PCBP3: variants seen among roughly 807,000 people sequenced by gnomAD.
PCBP3 encodes poly(rC)-binding protein 3.
Under a neutral mutation model 52.7 loss-of-function variants are expected in PCBP3, and 25 were observed. The observed-to-expected ratio is 0.47, with a 90% CI of 0.35 to 0.66. The LOEUF (loss-of-function observed/expected upper bound fraction) is 0.66, where lower values mean the gene tolerates loss of function less well. Ranked by LOEUF, PCBP3 falls within the 30% of genes least tolerant of loss-of-function variation. The pLI, the probability that PCBP3 is intolerant of heterozygous loss-of-function variation, is 0.01. For missense variants in PCBP3, 391 were observed against 490.3 expected, an observed-to-expected ratio of 0.80 and a Z score of 1.91; for synonymous variants, 162 against 183.0, an observed-to-expected ratio of 0.89 and a Z score of 0.93.
chr21:45,929,251 C>A (rs1263977060), intron 13 of PCBP3, among the ~76,000 whole-genome samples: 4 of 152,184 alleles, frequency 2.6e-5, no homozygotes, highest in African/African-American at 9.7e-5. Context: ...CAGCTGAGGG[C>A]CCGAGGCGTC....
At chr21:45,709,270 G>A (rs1239435838) in intron 2 of PCBP3, among the ~76,000 whole-genome samples, 1 of 152,164 alleles carries the variant, frequency 6.6e-6, no homozygotes, top group Non-Finnish European at 1.5e-5. Context: ...ATATTTTGGG[G>A]CAAGGCTGAC....
At chr21:45,907,580 G>A (rs1163735768) in intron 9 of PCBP3, among the ~76,000 whole-genome samples, 3 of 152,158 alleles carry the variant, frequency 2.0e-5, no homozygotes, top group South Asian at 2.1e-4. Context: ...TTTGACCCTC[G>A]GGTTCATTTG....
chr21:45,670,917 C>T (rs2081130196), intron 2 of PCBP3, among the ~76,000 whole-genome samples: 1 of 152,214 alleles, frequency 6.6e-6, no homozygotes, highest in African/African-American at 2.4e-5. Flanking sequence ...GTCATGCCAT[C>T]TGCTACGGAG....
intron 5 of PCBP3, among the ~76,000 whole-genome samples, chr21:45,888,381 T>C (rs2148885605): frequency 6.6e-6 from 1 of 152,372 alleles, no homozygotes; most frequent in African/African-American, 2.4e-5. Flanking sequence ...GATTTCAGTC[T>C]GCTCCTTGCA....
rs1015999270 is a variant in PCBP3 at position 45,880,642 on chromosome 21, C to T, written c.11-15566C>T. ...TGGGAACTGGGGATTCAGTGGTGAA[C>T]GGAGGAGACACGTGTGCCCTCTGCC... On this transcript the variant is annotated intron_variant, in intron 5 of 17. Transcript: ENST00000681687. This position sits in a 1 kb window ranked among gnomAD's most constrained non-coding sequence, Gnocchi z 5.4. Among the ~76,000 whole-genome samples the T allele has an allele frequency of 2.0e-5, 3 of 151,870 alleles. No homozygotes were observed. The highest frequency in any genetic ancestry group is 4.4e-5 in the Non-Finnish European group (3 of 67,986).
chr21:45,739,852 ACT>A (rs1294058399), intron 3 of PCBP3, among the ~76,000 whole-genome samples: 2 of 151,934 alleles, frequency 1.3e-5, no homozygotes, highest in African/African-American at 2.4e-5. Flanking sequence ...TGTCACACAC[ACT>A]CTCTTCGCTT....
At chr21:45,782,424 A>G (rs2090709840) in intron 4 of PCBP3, among the ~76,000 whole-genome samples, 1 of 152,152 alleles carries the variant, frequency 6.6e-6, no homozygotes, top group African/African-American at 2.4e-5. Context: ...AGACATGCCT[A>G]ACAGAAGACT....
chr21:45,756,087 TC>T (rs2088012484), intron 4 of PCBP3, among the ~76,000 whole-genome samples: 1 of 152,152 alleles, frequency 6.6e-6, no homozygotes, highest in Non-Finnish European at 1.5e-5. Flanking sequence ...CTATTCCCCA[TC>T]CCCCATCCAT....
chr21:45,789,385 C>T (rs894323162), intron 4 of PCBP3, among the ~76,000 whole-genome samples: 2 of 152,294 alleles, frequency 1.3e-5, no homozygotes, highest in Non-Finnish European at 2.9e-5. Context: ...CCTATGAGTG[C>T]ACGAGTGTGT....
chr21:45,659,226 ATT>A (rs2080220553), intron 1 of PCBP3, among the ~76,000 whole-genome samples: 2 of 148,878 alleles, frequency 1.3e-5, no homozygotes, highest in East Asian at 4.0e-4. Context: ...ACGTTAGGTT[ATT>A]GATTTGAGAT....
At chr21:45,782,979 G>C (rs1306745107) in intron 4 of PCBP3, among the ~76,000 whole-genome samples, 2 of 152,180 alleles carry the variant, frequency 1.3e-5, no homozygotes, top group African/African-American at 4.8e-5. Context: ...CATGTAGTTT[G>C]TACTCCCACT....
rs367662048 is a variant in PCBP3 at position 45,920,930 on chromosome 21, C to A, written c.717+3301C>A. Among the ~76,000 whole-genome samples, 23 of 152,158 alleles carry A rather than the reference C, an allele frequency of 1.5e-4. 1 individual carries two copies. The highest frequency in any genetic ancestry group is 6.5e-5 in the Admixed American group (1 of 15,274). ...TCATAGCAGCAGGAGTGGACTAAGG[C>A]GCTTGGTTCTTTACTGTGAAGTATC... is the stretch of plus-strand genomic sequence containing the variant. On this transcript the variant is annotated intron_variant, in intron 13 of 17. Coordinates refer to ENST00000681687, the MANE Select transcript of PCBP3 (RefSeq NM_001384156.1).
chr21:45,913,698 G>C (rs2096449088), intron 11 of PCBP3, among the ~76,000 whole-genome samples: 1 of 152,204 alleles, frequency 6.6e-6, no homozygotes, highest in Middle Eastern at 3.2e-3. Context: ...AGGCCGGTGT[G>C]TGGCAAACTG....
intron 5 of PCBP3, chr21:45,893,647 C>A (rs777377899): frequency 2.7e-6 from 2 of 752,182 alleles, no homozygotes; most frequent in Non-Finnish European, 3.2e-6. Context: ...CAGGCCCTCA[C>A]GGATGACTGT....
At chr21:45,664,465 T>A (rs1017467106) in intron 1 of PCBP3, among the ~76,000 whole-genome samples, 4 of 150,546 alleles carry the variant, frequency 2.7e-5, no homozygotes, top group African/African-American at 9.8e-5. Flanking sequence ...AAAAAAGTTA[T>A]CCAAGACAAA....
At chr21:45,729,904 C>G (rs537584386) in intron 2 of PCBP3, among the ~76,000 whole-genome samples, 5 of 152,116 alleles carry the variant, frequency 3.3e-5, no homozygotes, top group Admixed American at 6.5e-5. Context: ...CAGGGATGTT[C>G]CACCATCTAC....
chr21:45,927,014 G>A (rs550927742), intron 13 of PCBP3, among the ~76,000 whole-genome samples: 20 of 152,194 alleles, frequency 1.3e-4, no homozygotes, highest in African/African-American at 4.8e-4. Context: ...AAGAAACATG[G>A]GCGAATGACA....
At chr21:45,657,386 G>A (rs1398523092) in intron 1 of PCBP3, among the ~76,000 whole-genome samples, 1 of 152,136 alleles carries the variant, frequency 6.6e-6, no homozygotes, top group Non-Finnish European at 1.5e-5. Flanking sequence ...TGGCTGTCTA[G>A]TCCTAGTACC....
intron 2 of PCBP3, among the ~76,000 whole-genome samples, chr21:45,709,162 A>G (rs1488733155): frequency 6.6e-6 from 1 of 152,256 alleles, no homozygotes. Flanking sequence ...GTAAGTTCTC[A>G]GCAGAAGGGG....
Sources: allele counts gnomAD v4.1 joint callset (sites outside exome capture counted in the v4.1 genomes callset), GRCh38; gene constraint gnomAD v4.1.1; non-coding constraint Gnocchi (gnomAD v3.1); transcripts MANE v1.5; gene names NCBI Gene and HGNC (gene_info 2026-07-23, HGNC 2026-07-21).